Variants in MEF2C observed in about 807,000 individuals in gnomAD.
MEF2C encodes the protein myocyte-specific enhancer factor 2C.
Under a neutral mutation model 50.5 loss-of-function variants are expected in MEF2C, and 6 were observed. The observed-to-expected ratio is 0.12, with a 90% confidence interval of 0.07 to 0.23. The LOEUF (loss-of-function observed/expected upper bound fraction) is 0.23. Ranked by LOEUF, MEF2C falls within the 10% of genes least tolerant of loss-of-function variation. The probability of loss-of-function intolerance (pLI) is 1.00; values close to 1 mark genes in which losing one functional copy is unlikely to be tolerated. For missense variants in MEF2C, 276 were observed against 605.0 expected, an observed-to-expected ratio of 0.46 and a Z score of 5.70; for synonymous variants, 183 against 228.0, an observed-to-expected ratio of 0.80 and a Z score of 1.78.
chr5:88,729,225 A>G lies in MEF2C; in HGVS notation c.957T>C (p.Tyr319=). 1 of 1,613,178 alleles carries G rather than the reference A, an allele frequency of 6.2e-7. No individual in the cohort carries two copies. Among genetic ancestry groups the G allele is most frequent in the East Asian group, 2.2e-5 (1 of 44,858 alleles). Reference sequence around the variant, plus strand: ...CATGACAAAGCTACTCACCGGTACCATATGTTGTTGAAATGGCTGATGGAT... The same window carrying G: ...CATGACAAAGCTACTCACCGGTACCGTATGTTGTTGAAATGGCTGATGGAT... ...GGYPSAISTT[Y]GTEYSLSSAD... The change falls in exon 9 of 11, where the codon TAT becomes TAC. Residue 319 remains tyrosine (Y), a synonymous_variant. Coordinates refer to ENST00000504921, the MANE Select transcript of MEF2C (RefSeq NM_002397.5).
chr5:88,740,313 A>G, intron 6 of MEF2C: 5 of 985,094 alleles, frequency 5.1e-6, no homozygotes, highest in Non-Finnish European at 6.0e-6. Flanking sequence ...TTTAACGTAC[A>G]GCACATACTG....
At chr5:88,794,474 C>G (rs1795170325) in intron 3 of MEF2C, among the ~76,000 whole-genome samples, 1 of 152,076 alleles carries the variant, frequency 6.6e-6, no homozygotes, top group African/African-American at 2.4e-5. Context: ...TATCCTTTGC[C>G]CACTTTTTGA....
chr5:88,760,928 G>T, intron 4 of MEF2C: 2 of 1,542,906 alleles, frequency 1.3e-6, no homozygotes, highest in Non-Finnish European at 1.7e-6. Flanking sequence ...TCACTGAGAG[G>T]GTTAAGGTAT....
At chr5:88,738,945 C>T (rs1765261193) in intron 6 of MEF2C, 1 of 983,150 alleles carries the variant, frequency 1.0e-6, no homozygotes, top group Non-Finnish European at 1.2e-6. Context: ...AGCTGTTTAA[C>T]TTTTAGTGTG....
At chr5:88,829,551 TC>T (rs1812229033) in intron 1 of MEF2C, among the ~76,000 whole-genome samples, 2 of 152,080 alleles carry the variant, frequency 1.3e-5, no homozygotes, top group Non-Finnish European at 2.9e-5. Flanking sequence ...TGTGTATCTC[TC>T]AACTGACGTA....
intron 1 of MEF2C, among the ~76,000 whole-genome samples, chr5:88,848,299 GGAT>G (rs1240503476): frequency 1.3e-5 from 2 of 152,048 alleles, no homozygotes; most frequent in Non-Finnish European, 2.9e-5. Flanking sequence ...TTTTAGTAGA[GGAT>G]AATAAAGCTA....
At chr5:88,868,437 G>A (rs1561414409) in intron 1 of MEF2C, among the ~76,000 whole-genome samples, 2 of 152,108 alleles carry the variant, frequency 1.3e-5, no homozygotes, top group Admixed American at 1.3e-4. Flanking sequence ...TAGTAAATCA[G>A]GATAAGTATA....
At chr5:88,793,206 AC>A (rs1334342903) in intron 3 of MEF2C, among the ~76,000 whole-genome samples, 2 of 152,168 alleles carry the variant, frequency 1.3e-5, no homozygotes, top group African/African-American at 4.8e-5. Context: ...TGTAATTGGG[AC>A]CTGACTTGAG....
At chr5:88,882,282 G>A (rs1236149187) in intron 1 of MEF2C, among the ~76,000 whole-genome samples, 1 of 152,188 alleles carries the variant, frequency 6.6e-6, no homozygotes, top group Non-Finnish European at 1.5e-5. Flanking sequence ...AAACAGCTAT[G>A]TATTTGACTT....
chr5:88,819,922 A>AC (rs35493168), intron 2 of MEF2C, among the ~76,000 whole-genome samples: 7 of 151,984 alleles, frequency 4.6e-5, no homozygotes, highest in African/African-American at 1.7e-4. Context: ...AGCTCGCTGA[A>AC]CCCCTAAAGC....
At chr5:88,767,159 T>A (rs531304122) in intron 3 of MEF2C, among the ~76,000 whole-genome samples, 1 of 152,356 alleles carries the variant, frequency 6.6e-6, no homozygotes, top group Non-Finnish European at 1.5e-5. Context: ...TTAAAATTTA[T>A]TCGGCAAACA....
upstream of MEF2C, among the ~76,000 whole-genome samples, chr5:88,886,281 A>T (rs1834040163): frequency 6.6e-6 from 1 of 152,200 alleles, no homozygotes; most frequent in African/African-American, 2.4e-5. Context: ...TGTGCTTTGT[A>T]TTCTTTAAAT....
intron 10 of MEF2C, among the ~76,000 whole-genome samples, chr5:88,726,536 A>G (rs1443526728): frequency 6.6e-6 from 1 of 151,942 alleles, no homozygotes; most frequent in Non-Finnish European, 1.5e-5. Flanking sequence ...AGAGAGAGAG[A>G]AGGGCCAACA....
chr5:88,823,561 AT>A (rs943683222), intron 2 of MEF2C, among the ~76,000 whole-genome samples, 173 bp downstream of exon 2: 5 of 151,998 alleles, frequency 3.3e-5, no homozygotes, highest in Non-Finnish European at 5.9e-5. Context: ...AGATAAAGTG[AT>A]TTTTTTCTCC....
Position 88,728,509 on chromosome 5 carries a change from C to A in MEF2C, c.1084G>T (p.Ala362Ser), listed in dbSNP as rs1481007836. Reference protein sequence around the residue: ...QQHLHNMPPSALSQLGACTST... With the variant: ...QQHLHNMPPSSLSQLGACTST... ...ATTGCTTACCCCAACTGACTGAGGG[C>A]AGATGGTGGCATGTTATGTAGGTGT... Residue 362 changes from alanine to serine, a missense_variant, in exon 10 of 11, where the codon GCC (alanine) becomes TCC (serine). Physicochemically the swap from Ala to Ser is moderately conservative, Grantham distance 99. This residue lies in a region of MEF2C where 256 missense variants were observed against 468.1 expected (regional missense o/e 0.55). Transcript: ENST00000504921. 1 of 1,516,528 alleles carries A rather than the reference C, an allele frequency of 6.6e-7. No homozygotes were observed. The highest frequency in any genetic ancestry group is 8.9e-7 in the Non-Finnish European group (1 of 1,128,374). The allele number at this position is 1,516,528 out of a possible 1,614,324, so 93.9% of individuals were successfully genotyped here.
At chr5:88,810,044 C>T (rs1802113519) in intron 2 of MEF2C, among the ~76,000 whole-genome samples, 2 of 152,112 alleles carry the variant, frequency 1.3e-5, no homozygotes. Flanking sequence ...TCCCTCAGGC[C>T]TCTCACAGAC....
chr5:88,723,247 T>C (rs1425213988), intron 10 of MEF2C, among the ~76,000 whole-genome samples: 1 of 152,242 alleles, frequency 6.6e-6, no homozygotes, highest in Non-Finnish European at 1.5e-5. Context: ...ATTTTCTGTG[T>C]TCATGGACTC....
rs548947944 is a variant in MEF2C, at chr5:88,873,669, C to T, written c.-143+9286G>A. On this transcript the variant is annotated intron_variant, in intron 1 of 10. Coordinates refer to ENST00000504921, the MANE Select transcript of MEF2C (RefSeq NM_002397.5). Reference sequence around the variant, plus strand: ...GAAACAATTAATGGGTACTGAGTATCTTACTCAGCCTTCTGCAAATCTATC... The same window carrying T: ...GAAACAATTAATGGGTACTGAGTATTTTACTCAGCCTTCTGCAAATCTATC... Among the ~76,000 whole-genome samples the T allele has an allele frequency of 3.6e-4, 49 of 135,028 alleles. No individual in the cohort carries two copies. The South Asian group carries it at 8.4e-3, about 23-fold the overall frequency. 88.6% of individuals were successfully genotyped at this position (135,028 alleles called of 152,430 possible). A position where few individuals can be genotyped will look rare whatever the true frequency, so the allele number is the denominator to read the frequency against.
At chr5:88,743,759 C>T (rs1258470361) in intron 6 of MEF2C, 8 of 985,234 alleles carry the variant, frequency 8.1e-6, no homozygotes, top group Non-Finnish European at 2.4e-6. Flanking sequence ...CATCAACTCT[C>T]CATGTATTTA....
Sources: allele counts gnomAD v4.1 joint callset (sites outside exome capture counted in the v4.1 genomes callset), GRCh38; gene constraint gnomAD v4.1.1; regional missense constraint gnomAD v4.1.1; transcripts MANE v1.5; gene names NCBI Gene and HGNC (gene_info 2026-07-23, HGNC 2026-07-21).